The following PRSS23 variants were observed in gnomAD, a reference collection of about 807,000 sequenced individuals.
PRSS23 encodes serine protease 23.
PRSS23 carries 25 observed loss-of-function variants against 34.7 expected under a neutral mutation model. The observed-to-expected ratio is 0.72, with a 90% CI of 0.53 to 1.01. The LOEUF (loss-of-function observed/expected upper bound fraction) is 1.01. Among genes scored for constraint, PRSS23 ranks in the 50% least tolerant of loss-of-function variants. The probability of loss-of-function intolerance (pLI) is 0.00; values close to 1 mark genes in which losing one functional copy is unlikely to be tolerated. For missense variants in PRSS23, 445 were observed against 475.6 expected (o/e 0.94, Z 0.60); for synonymous variants, 176 against 186.6 (o/e 0.94, Z 0.46).
intron 2 of PRSS23, chr11:86,947,347 GTC>G (rs893741983): frequency 3.3e-5 from 5 of 153,376 alleles, no homozygotes; most frequent in African/African-American, 9.6e-5. Flanking sequence ...AAATCCCTGA[GTC>G]TATTCCTCTA....
intron 2 of PRSS23, chr11:86,935,637 A>G (rs1016835867): frequency 6.6e-6 from 1 of 152,128 alleles, no homozygotes; most frequent in African/African-American, 2.4e-5. Context: ...TAATTACCCC[A>G]ACTGTTGGTA....
intron 2 of PRSS23, among the ~76,000 whole-genome samples, chr11:86,835,691 G>A (rs528192852): frequency 1.1e-4 from 17 of 152,270 alleles, no homozygotes; most frequent in African/African-American, 2.6e-4. Context: ...GGCTGGATAC[G>A]TTCCTCACTG....
intron 2 of PRSS23, chr11:86,823,680 C>T (rs937363230): frequency 1.6e-4 from 106 of 678,762 alleles, no homozygotes; most frequent in Middle Eastern, 4.7e-4. Context: ...TGCATTTTAA[C>T]GGAGCAAAGC....
intron 2 of PRSS23, among the ~76,000 whole-genome samples, chr11:86,878,533 A>G (rs943283154): frequency 2.6e-5 from 4 of 152,112 alleles, no homozygotes; most frequent in East Asian, 1.9e-4. Context: ...CTGAGGTGCC[A>G]GGATTGCAGA....
chr11:86,930,767 G>A (rs1432774959), intron 2 of PRSS23, among the ~76,000 whole-genome samples: 3 of 138,378 alleles, frequency 2.2e-5, no homozygotes, highest in Non-Finnish European at 4.9e-5. Flanking sequence ...TCCAGCCTGG[G>A]CGACAGAGCG....
At chr11:86,797,336 G>A (rs113502222), upstream of PRSS23, among the ~76,000 whole-genome samples, 237 of 152,320 alleles carry the variant, frequency 1.6e-3, 1 homozygote, top group African/African-American at 5.5e-3. Flanking sequence ...TGTCTCAGAG[G>A]TCAAAATACA....
rs756957567 is a variant in PRSS23 at position 86,879,567 on chromosome 11, C to T, written c.206+55974C>T. Among the ~76,000 whole-genome samples the T allele has an allele frequency of 2.2e-3, 299 of 136,268 alleles. 1 individual carries two copies. The highest frequency in any genetic ancestry group is 3.5e-3 in the Non-Finnish European group (216 of 61,194). The allele number at this position is 136,268 out of a possible 152,430, so 89.4% of individuals were successfully genotyped here. The stretch of plus-strand genomic sequence containing the variant: ...GAGGTGGGGGGGTCAGCCCCCCGCC[C>T]GGCCAGCCGCCCCGTCAGGGAGGTG... On this transcript the variant is annotated intron_variant, in intron 2 of 2. Transcript: ENST00000533902.
chr11:86,801,332 C>A (rs78191585), intron 1 of PRSS23, among the ~76,000 whole-genome samples: 13,068 of 152,206 alleles, frequency 0.086, 805 homozygotes, highest in Non-Finnish European at 0.12. Context: ...TTAAAAGGAG[C>A]GGGAGAAGAC....
At chr11:86,889,921 A>T (rs888153467) in intron 2 of PRSS23, among the ~76,000 whole-genome samples, 1 of 152,156 alleles carries the variant, frequency 6.6e-6, no homozygotes, top group Non-Finnish European at 1.5e-5. Context: ...GACCCTAGAG[A>T]TTCAAATTTA....
At position 86,952,452 on chromosome 11, in the gene PRSS23, A is replaced by G. The variant is rs886048735; in HGVS notation, c.*1167A>G. 5 of 1,613,838 alleles carry G rather than the reference A, an allele frequency of 3.1e-6. No individual in the cohort carries two copies. The highest frequency in any genetic ancestry group is 2.5e-6 in the Non-Finnish European group (3 of 1,179,982). ...ATCTTCTCTGTGCACATTGGCACAT[A>G]AACAGAACAAAGGAAGAACTGGAAA... On this transcript the variant is annotated 3_prime_UTR_variant, in exon 3 of 3. Coordinates refer to the PRSS23 transcript ENST00000533902.
At chr11:86,804,327 T>C (rs1948074868) in intron 1 of PRSS23, among the ~76,000 whole-genome samples, 1 of 152,182 alleles carries the variant, frequency 6.6e-6, no homozygotes, top group Non-Finnish European at 1.5e-5. Flanking sequence ...CATTAGTTTC[T>C]AAAAGTCTGC....
At chr11:86,849,322 G>A (rs1347804975) in intron 2 of PRSS23, among the ~76,000 whole-genome samples, 3 of 152,038 alleles carry the variant, frequency 2.0e-5, no homozygotes, top group African/African-American at 4.8e-5. Flanking sequence ...TTCTTGTTAC[G>A]CCCAAAAGTC....
At chr11:86,827,747 A>G (rs1382667973) in intron 2 of PRSS23, among the ~76,000 whole-genome samples, 2 of 152,044 alleles carry the variant, frequency 1.3e-5, no homozygotes, top group Non-Finnish European at 1.5e-5. Context: ...TCATTTCGTT[A>G]TGTACCCAGT....
chr11:86,885,785 T>A (rs1948798632), intron 2 of PRSS23, among the ~76,000 whole-genome samples: 1 of 152,230 alleles, frequency 6.6e-6, no homozygotes, highest in Non-Finnish European at 1.5e-5. Flanking sequence ...ACATCCTATC[T>A]TATTGGTCCT....
At chr11:86,832,918 A>G (rs1948371602) in intron 2 of PRSS23, 2 of 349,458 alleles carry the variant, frequency 5.7e-6, no homozygotes, top group African/African-American at 4.3e-5. Context: ...GAGAAGGGTC[A>G]CAGAAGAAAT....
chr11:86,855,403 G>T (rs932776635), intron 2 of PRSS23, among the ~76,000 whole-genome samples: 2 of 151,908 alleles, frequency 1.3e-5, no homozygotes, highest in African/African-American at 4.8e-5. Flanking sequence ...CTGTATTTTT[G>T]TACCCAATTA....
chr11:86,837,235 T>C (rs1355611023), intron 2 of PRSS23: 1 of 152,262 alleles, frequency 6.6e-6, no homozygotes, highest in African/African-American at 2.4e-5. Flanking sequence ...TTCTAATAGA[T>C]TGCCACAAGT....
chr11:86,817,508 C>T (rs532754542), intron 1 of PRSS23, among the ~76,000 whole-genome samples: 1 of 152,144 alleles, frequency 6.6e-6, no homozygotes, highest in Non-Finnish European at 1.5e-5. Context: ...GGATTGTCAC[C>T]GTATTCTAGA....
At chr11:86,929,336 A>AAC (rs1353243973) in intron 2 of PRSS23, among the ~76,000 whole-genome samples, 5 of 139,524 alleles carry the variant, frequency 3.6e-5, no homozygotes, top group African/African-American at 1.1e-4. Context: ...AAAAAAAAAC[A>AAC]AAAAAAAAAA....
Sources: allele counts gnomAD v4.1 joint callset (sites outside exome capture counted in the v4.1 genomes callset), GRCh38; gene constraint gnomAD v4.1.1; transcripts MANE v1.5; gene names NCBI Gene and HGNC (gene_info 2026-07-23, HGNC 2026-07-21).